The following ATG7 variants were observed in gnomAD, a reference collection of about 807,000 sequenced individuals.
ATG7 encodes the protein autophagy related 7, also known as ubiquitin-like modifier-activating enzyme ATG7.
Under a neutral mutation model 82.4 loss-of-function variants are expected in ATG7, and 70 were observed. That is an observed-to-expected ratio of 0.85 (90% CI 0.70 to 1.04). The LOEUF is 1.04. Ranked by LOEUF, ATG7 falls within the 50% of genes least tolerant of loss-of-function variation. ATG7 has a pLI of 0.00. For synonymous variants in ATG7, 287 were observed against 313.0 expected, an observed-to-expected ratio of 0.92 and a Z score of 0.88; for missense variants, 792 against 864.3, an observed-to-expected ratio of 0.92 and a Z score of 1.05.
intron 19 of ATG7, among the ~76,000 whole-genome samples, chr3:11,426,502 C>T (rs572555467): frequency 7.9e-5 from 12 of 152,168 alleles, no homozygotes; most frequent in African/African-American, 2.9e-4. Flanking sequence ...TTTCTAACCA[C>T]TGAACTTTAG....
chr3:11,558,414 C>A, downstream of ATG7: 1 of 1,337,016 alleles, frequency 7.5e-7, no homozygotes, highest in Non-Finnish European at 9.9e-7. Context: ...GAACACAAAT[C>A]CCAACAACAT....
At chr3:11,471,104 C>T (rs1271522712) in intron 20 of ATG7, among the ~76,000 whole-genome samples, 1 of 152,144 alleles carries the variant, frequency 6.6e-6, no homozygotes, top group Non-Finnish European at 1.5e-5. Flanking sequence ...TCCAGGCTAC[C>T]CTCCATGGTA....
chr3:11,404,510 G>A (rs953947782), intron 19 of ATG7, among the ~76,000 whole-genome samples: 1 of 151,508 alleles, frequency 6.6e-6, no homozygotes, highest in Non-Finnish European at 1.5e-5. Flanking sequence ...TTTATCTCCT[G>A]CTTGCATTCT....
At chr3:11,554,684 T>TC in intron 20 of ATG7, 127 bp from the exon 21 acceptor site, 2 of 1,145,490 alleles carry the variant, frequency 1.7e-6, no homozygotes, top group East Asian at 2.5e-5. Context: ...GGGGTGACAG[T>TC]CCCTCAGAAA....
At chr3:11,465,426 CAG>C (rs1282677944) in intron 20 of ATG7, among the ~76,000 whole-genome samples, 1 of 138,142 alleles carries the variant, frequency 7.2e-6, no homozygotes, top group Non-Finnish European at 1.5e-5. Context: ...GCCTGGGTGA[CAG>C]AGAGAGACTC....
intron 20 of ATG7, among the ~76,000 whole-genome samples, chr3:11,514,475 A>G (rs1369422341): frequency 6.6e-6 from 1 of 152,210 alleles, no homozygotes. Context: ...AGAGGGAGAC[A>G]TGAGATGTGG....
intron 16 of ATG7, among the ~76,000 whole-genome samples, chr3:11,362,190 T>C (rs2076327281): frequency 6.6e-6 from 1 of 152,200 alleles, no homozygotes. Context: ...TAACAACCTC[T>C]TAATTTGCCC....
intron 20 of ATG7, among the ~76,000 whole-genome samples, chr3:11,431,325 C>T (rs534645474): frequency 1.3e-5 from 2 of 152,178 alleles, no homozygotes; most frequent in East Asian, 1.9e-4. Flanking sequence ...CACTTGAACC[C>T]GGGAGGTGGA....
intron 20 of ATG7, among the ~76,000 whole-genome samples, chr3:11,432,681 C>G (rs1256795167): frequency 6.6e-6 from 1 of 152,054 alleles, no homozygotes; most frequent in African/African-American, 2.4e-5. Context: ...GACAGATAGC[C>G]GTATTCTTTG....
At chr3:11,423,461 C>T (rs2082106651) in intron 19 of ATG7, among the ~76,000 whole-genome samples, 1 of 152,152 alleles carries the variant, frequency 6.6e-6, no homozygotes, top group East Asian at 1.9e-4. Flanking sequence ...GGGGTTGCCA[C>T]AACTTTCAAT....
At chr3:11,497,354 A>G (rs1348346460) in intron 20 of ATG7, among the ~76,000 whole-genome samples, 6 of 41,526 alleles carry the variant, frequency 1.4e-4, no homozygotes, top group Non-Finnish European at 2.6e-4. Context: ...TGTACTAAAA[A>G]TACTATATAT....
chr3:11,327,271 A>G (rs1200722661), intron 9 of ATG7, among the ~76,000 whole-genome samples: 1 of 152,200 alleles, frequency 6.6e-6, no homozygotes, highest in Non-Finnish European at 1.5e-5. Flanking sequence ...TTTATTCTAA[A>G]ATGCTTGTTT....
chr3:11,298,924 C>T lies in ATG7; in HGVS notation c.160+69C>T, dbSNP rs1575256167. On this transcript the variant is annotated intron_variant, in intron 4 of 20. Transcript: ENST00000693202. ...TCACGGTCCTCCAGTATAGTGTCAG[C>T]TTTCCTTTAGAAAGAGACAGCCTTG... 1.4e-5 allele frequency: 22 copies of T among 1,534,040 alleles called. No homozygotes were observed. The South Asian group carries it at 2.5e-4, about 17-fold the overall frequency.
the ATG7 span, among the ~76,000 whole-genome samples, chr3:11,569,486 C>G: frequency 2.0e-5 from 3 of 152,232 alleles, no homozygotes; most frequent in Non-Finnish European, 4.4e-5. Context: ...CCATGCCAGG[C>G]GTTGCCTGGC....
At chr3:11,396,780 T>TC (rs1441655774) in intron 19 of ATG7, among the ~76,000 whole-genome samples, 1 of 47,944 alleles carries the variant, frequency 2.1e-5, no homozygotes, top group East Asian at 1.2e-3. Context: ...AGACTCTGTC[T>TC]CCAAAAAAAA....
At chr3:11,451,882 C>G (rs1289152015) in intron 20 of ATG7, among the ~76,000 whole-genome samples, 2 of 140,718 alleles carry the variant, frequency 1.4e-5, no homozygotes, top group South Asian at 2.4e-4. Context: ...CACACACACA[C>G]ACAGACACAC....
At chr3:11,419,802 T>G (rs1474605231) in intron 19 of ATG7, among the ~76,000 whole-genome samples, 2 of 152,176 alleles carry the variant, frequency 1.3e-5, no homozygotes, top group Non-Finnish European at 1.5e-5. Flanking sequence ...TAAGAAGAGA[T>G]TCTACCATCT....
At chr3:11,383,507 C>T (rs1000937497) in intron 19 of ATG7, among the ~76,000 whole-genome samples, 6 of 152,162 alleles carry the variant, frequency 3.9e-5, no homozygotes, top group African/African-American at 1.4e-4. Flanking sequence ...GAGAAACCTG[C>T]AATCTCGGCT....
intron 19 of ATG7, among the ~76,000 whole-genome samples, chr3:11,383,266 ATCTT>A (rs1289769504): frequency 6.6e-6 from 1 of 151,846 alleles, no homozygotes; most frequent in African/African-American, 2.4e-5. Context: ...ATCTTTCTTT[ATCTT>A]TCTTAACTTC....
Sources: gnomAD v4.1 joint callset for allele counts (sites outside exome capture counted in the v4.1 genomes callset) on GRCh38, gnomAD v4.1.1 for gene constraint, MANE v1.5 for transcripts, NCBI Gene and HGNC (gene_info 2026-07-23, HGNC 2026-07-21) for gene names.